The following MGAT4C variants were observed in gnomAD, a reference collection of about 807,000 sequenced individuals.
MGAT4C encodes alpha-1,3-mannosyl-glycoprotein 4-beta-N-acetylglucosaminyltransferase C.
A neutral mutation model predicts 40.1 loss-of-function variants in MGAT4C; 19 were observed. The ratio of observed to expected loss-of-function variants is 0.47; its 90% confidence interval spans 0.33 to 0.70. The LOEUF is 0.70. MGAT4C is among the 30% of genes least tolerant of loss of function. MGAT4C has a pLI of 0.02. For synonymous variants in MGAT4C, 181 were observed against 187.1 expected (o/e 0.97, Z 0.27); for missense variants, 491 against 563.2 (o/e 0.87, Z 1.30).
chr12:86,276,151 T>C (rs1953076821), intron 4 of MGAT4C, among the ~76,000 whole-genome samples: 1 of 151,634 alleles, frequency 6.6e-6, no homozygotes, highest in Non-Finnish European at 1.5e-5. Context: ...ATTTGTGTAG[T>C]TTTAAACCAT....
chr12:86,601,072 T>C (rs1961754053), intron 2 of MGAT4C, among the ~76,000 whole-genome samples: 1 of 152,104 alleles, frequency 6.6e-6, no homozygotes, highest in Non-Finnish European at 1.5e-5. Flanking sequence ...GAGGCTGAAA[T>C]GTTGGGTGCT....
In MGAT4C at chr12:86,110,408, C is replaced by A. The variant is rs888342874; in HGVS notation, c.-56-60685G>T. On this transcript the variant is annotated intron_variant, in intron 1 of 4. Coordinates refer to ENST00000611864, the MANE Select transcript of MGAT4C (RefSeq NM_001351288.2). ...TTAGCAATGACTCTAAAGGCAAAGG[C>A]AGAATTTGGGTTAATTTCTTTTTAT... is the stretch of plus-strand genomic sequence containing the variant. Among the ~76,000 whole-genome samples the A allele has an allele frequency of 3.8e-5, 5 of 132,734 alleles. No homozygotes were observed. In the South Asian group the frequency reaches 1.2e-3, roughly 33 times the overall value. The allele number at this position is 132,734 out of a possible 152,430, so 87.1% of individuals were successfully genotyped here. A position where few individuals can be genotyped will look rare whatever the true frequency, so the allele number is the denominator to read the frequency against.
chr12:86,106,681 A>G (rs888552222), intron 1 of MGAT4C, among the ~76,000 whole-genome samples: 3 of 151,446 alleles, frequency 2.0e-5, no homozygotes, highest in African/African-American at 4.9e-5. Flanking sequence ...TGAGTGACCT[A>G]ATTTTTGCCC....
intron 1 of MGAT4C, among the ~76,000 whole-genome samples, chr12:86,245,362 A>G (rs919034267): frequency 3.3e-5 from 5 of 152,176 alleles, no homozygotes; most frequent in African/African-American, 9.6e-5. Context: ...GGAAACTACA[A>G]TCTTGTCTCT....
At chr12:86,112,399 T>A (rs1310840133) in intron 1 of MGAT4C, among the ~76,000 whole-genome samples, 1 of 151,600 alleles carries the variant, frequency 6.6e-6, no homozygotes, top group Non-Finnish European at 1.5e-5. Flanking sequence ...ACAGAGACAG[T>A]TGGAAAATGC....
At chr12:86,339,964 TTATC>T (rs1228444855) in intron 3 of MGAT4C, among the ~76,000 whole-genome samples, 1 of 152,202 alleles carries the variant, frequency 6.6e-6, no homozygotes, top group East Asian at 1.9e-4. Context: ...GACAAAGCCT[TTATC>T]TAGATATTGC....
intron 2 of MGAT4C, among the ~76,000 whole-genome samples, chr12:86,623,131 T>C (rs1267031963): frequency 1.3e-5 from 2 of 152,150 alleles, no homozygotes; most frequent in African/African-American, 4.8e-5. Context: ...AATAATTGTG[T>C]AGAGTCTCTG....
chr12:86,379,166 A>G (rs1002147415), intron 3 of MGAT4C, among the ~76,000 whole-genome samples: 2 of 152,068 alleles, frequency 1.3e-5, no homozygotes, highest in African/African-American at 4.8e-5. Context: ...TACCTTATAA[A>G]TTTGTGGAAA....
chr12:86,781,786 A>C (rs1376454779), intron 1 of MGAT4C, among the ~76,000 whole-genome samples: 1 of 152,170 alleles, frequency 6.6e-6, no homozygotes, highest in African/African-American at 2.4e-5. Flanking sequence ...TTATTCAAAA[A>C]TTATTTTTAA....
At chr12:86,264,377 C>T (rs1443774957) in intron 4 of MGAT4C, among the ~76,000 whole-genome samples, 1 of 151,916 alleles carries the variant, frequency 6.6e-6, no homozygotes, top group Non-Finnish European at 1.5e-5. Flanking sequence ...GGATAGGAGC[C>T]GTGTTTGTTT....
At chr12:86,289,903 G>T (rs1247635456) in intron 4 of MGAT4C, among the ~76,000 whole-genome samples, 1 of 152,074 alleles carries the variant, frequency 6.6e-6, no homozygotes, top group African/African-American at 2.4e-5. Context: ...CATATAGAAA[G>T]TTAATAAAAT....
At chr12:86,713,231 A>G (rs1472028907) in intron 2 of MGAT4C, among the ~76,000 whole-genome samples, 2 of 152,024 alleles carry the variant, frequency 1.3e-5, no homozygotes, top group Admixed American at 6.6e-5. Flanking sequence ...TTGTTTTTTA[A>G]AGAGTAGATT....
chr12:86,739,094 G>A (rs1419422154), intron 1 of MGAT4C, among the ~76,000 whole-genome samples: 1 of 118,508 alleles, frequency 8.4e-6, no homozygotes, highest in Non-Finnish European at 1.7e-5. Flanking sequence ...TCCTTAAGAT[G>A]GGTAAAGCAG....
At chr12:86,372,026 A>G (rs2136212237) in intron 3 of MGAT4C, among the ~76,000 whole-genome samples, 1 of 151,976 alleles carries the variant, frequency 6.6e-6, no homozygotes, top group South Asian at 2.1e-4. Flanking sequence ...CCATAAGATG[A>G]ATTTTAGAAA....
At chr12:86,247,290 C>T (rs1952078095) in intron 1 of MGAT4C, among the ~76,000 whole-genome samples, 1 of 152,180 alleles carries the variant, frequency 6.6e-6, no homozygotes, top group Non-Finnish European at 1.5e-5. Flanking sequence ...CATTCAGTAG[C>T]ATCTCAGTAC....
In MGAT4C at chr12:86,489,945, A is replaced by G. The variant is rs538371446; in HGVS notation, c.-228-54680T>C. 3.2e-3 allele frequency among the ~76,000 whole-genome samples: 493 copies of G among 151,864 alleles called. 2 individuals are homozygous for G. Among genetic ancestry groups the G allele is most frequent in the African/African-American group, 0.011 (465 of 41,170 alleles). On this transcript the variant is annotated intron_variant, in intron 2 of 7. Coordinates refer to the MGAT4C transcript ENST00000548651. ...ATGTGAAAAGACCAAATCTACGTCT[A>G]ATTGGTGTACCTGAAAGTGACGGGG... is the stretch of plus-strand genomic sequence containing the variant.
At chr12:86,351,530 T>C (rs1228862014) in intron 3 of MGAT4C, among the ~76,000 whole-genome samples, 3 of 152,022 alleles carry the variant, frequency 2.0e-5, no homozygotes, top group Non-Finnish European at 4.4e-5. Flanking sequence ...CTAACATAAT[T>C]ATTGCCAGTA....
At chr12:86,515,250 C>A (rs116248637) in intron 2 of MGAT4C, among the ~76,000 whole-genome samples, 3,172 of 152,256 alleles carry the variant, frequency 0.021, 106 homozygotes, top group African/African-American at 0.072. Context: ...TAATTCATTT[C>A]TCACTCAATT....
At chr12:86,456,851 A>C (rs964128265) in intron 2 of MGAT4C, among the ~76,000 whole-genome samples, 1 of 152,092 alleles carries the variant, frequency 6.6e-6, no homozygotes, top group Non-Finnish European at 1.5e-5. Flanking sequence ...TCTATCTTAC[A>C]TCCTGTCAGG....
Sources: gnomAD v4.1 joint callset for allele counts (sites outside exome capture counted in the v4.1 genomes callset) on GRCh38, gnomAD v4.1.1 for gene constraint, MANE v1.5 for transcripts, NCBI Gene and HGNC (gene_info 2026-07-23, HGNC 2026-07-21) for gene names.